C16orf95: variants seen among roughly 807,000 people sequenced by gnomAD.
C16orf95 encodes the protein uncharacterized protein C16orf95.
A neutral mutation model predicts 32.1 loss-of-function variants in C16orf95; 41 were observed. The observed-to-expected ratio is 1.28, with a 90% CI of 1.00 to 1.66. The LOEUF is 1.66. C16orf95 is among the 40% of genes most tolerant of loss of function. C16orf95 has a pLI of 0.00. For missense variants in C16orf95, 399 were observed against 325.9 expected (o/e 1.22, Z -1.73); for synonymous variants, 147 against 128.9 (o/e 1.14, Z -0.95).
intron 2 of C16orf95, 130 bp from the exon 3 acceptor site, chr16:87,315,226 C>T (rs1904310048): frequency 1.0e-6 from 1 of 972,858 alleles, no homozygotes; most frequent in East Asian, 2.7e-5. Context: ...GCTCCTACTG[C>T]AGCTTGGAAA....
At chr16:87,308,826 G>A (rs1250574353) in intron 5 of C16orf95, among the ~76,000 whole-genome samples, 1 of 152,216 alleles carries the variant, frequency 6.6e-6, no homozygotes, top group Non-Finnish European at 1.5e-5. Flanking sequence ...AATGGGTTTG[G>A]TGCCCTCTGA....
chr16:87,315,578 G>C (rs993130547), intron 2 of C16orf95, among the ~76,000 whole-genome samples, 194 bp downstream of exon 2: 1 of 152,206 alleles, frequency 6.6e-6, no homozygotes, highest in Non-Finnish European at 1.5e-5. Context: ...ATATTAGGTG[G>C]CCTCCTGAAC....
chr16:87,306,159 A>C, intron 5 of C16orf95: 1 of 347,738 alleles, frequency 2.9e-6, no homozygotes, highest in Non-Finnish European at 5.2e-6. Context: ...CATATGGAAC[A>C]TGTGCAATGT....
chr16:87,317,367 T>C lies in C16orf95; in HGVS notation c.-125A>G, dbSNP rs893268055. On this transcript the variant is annotated 5_prime_UTR_variant, in exon 1 of 7. Transcript: ENST00000567970. Reference sequence around the variant, plus strand: ...CCCGAGCTCAACCCCAGCCCCAACCTCAACCGCTCAGAGGAGCCCAACAAC... The same window carrying C: ...CCCGAGCTCAACCCCAGCCCCAACCCCAACCGCTCAGAGGAGCCCAACAAC... The C allele has an allele frequency of 4.3e-6, 6 of 1,409,096 alleles. No individual in the cohort carries two copies. The Admixed American group carries it at 9.3e-5, about 22-fold the overall frequency. The allele number at this position is 1,409,096 out of a possible 1,614,324, so 87.3% of individuals were successfully genotyped here.
rs554130431 is a variant in C16orf95, at chr16:87,312,702, G to A, written c.331-1406C>T. ...CTGAAAGGTCTAGCCAGTGTATCAA[G>A]CAAGAAAAATAAAAGTCTCCAAATT... is the stretch of plus-strand genomic sequence containing the variant. On this transcript the variant is annotated intron_variant, in intron 3 of 6. Coordinates refer to ENST00000567970, the MANE Select transcript of C16orf95 (RefSeq NM_001195124.3). Among the ~76,000 whole-genome samples the A allele has an allele frequency of 1.6e-3, 249 of 152,096 alleles. 1 individual carries two copies. The highest frequency in any genetic ancestry group is 5.7e-3 in the African/African-American group (236 of 41,492).
In C16orf95 at chr16:87,305,909, G is replaced by C; in HGVS notation, c.515-4C>G. 7.1e-7 allele frequency: 1 copy of C among 1,412,562 alleles called. No homozygotes were observed. The highest frequency in any genetic ancestry group is 1.5e-5 in the South Asian group (1 of 67,488). The allele number at this position is 1,412,562 out of a possible 1,614,324, so 87.5% of individuals were successfully genotyped here. A position where few individuals can be genotyped will look rare whatever the true frequency, so the allele number is the denominator to read the frequency against. ...CAGCATGCATCCAGCAGGGGTGCTA[G>C]GCAAAGAAAAGGTGGGTTGAGGACA... On this transcript the variant is annotated splice_polypyrimidine_tract_variant and splice_region_variant and intron_variant, in intron 5 of 6. Coordinates refer to ENST00000567970, the MANE Select transcript of C16orf95 (RefSeq NM_001195124.3). This position sits in a 1 kb window ranked among gnomAD's most constrained non-coding sequence, Gnocchi z 4.2.
At chr16:87,311,009 G>A in intron 4 of C16orf95, 141 bp downstream of exon 4, 1 of 817,868 alleles carries the variant, frequency 1.2e-6, no homozygotes, top group Non-Finnish European at 1.8e-6. Flanking sequence ...CAGCTGCCAG[G>A]GGATCTTCTC....
Position 87,310,288 on chromosome 16 carries a change from T to C in C16orf95, c.514+9A>G, listed in dbSNP as rs536872002. On this transcript the variant is annotated intron_variant, in intron 5 of 6. Coordinates refer to ENST00000567970, the MANE Select transcript of C16orf95 (RefSeq NM_001195124.3). ...GGGATGATATGAGACACACACACACTGGAGTTACCTTGGATGCCTTTCAAA... is the reference window on the plus strand; with the variant it reads ...GGGATGATATGAGACACACACACACCGGAGTTACCTTGGATGCCTTTCAAA... 6.5e-7 allele frequency: 1 copy of C among 1,536,000 alleles called. No homozygotes were observed. Among genetic ancestry groups the C allele is most frequent in the East Asian group, 2.4e-5 (1 of 40,904 alleles).
intron 1 of C16orf95, among the ~76,000 whole-genome samples, chr16:87,316,457 G>C (rs542329370): frequency 6.6e-6 from 1 of 152,184 alleles, no homozygotes; most frequent in Non-Finnish European, 1.5e-5. Context: ...TGTGGAAACC[G>C]TAAGAGCGAT....
intron 5 of C16orf95, 197 bp from the exon 6 acceptor site, chr16:87,306,102 C>T (rs764546137): frequency 1.9e-5 from 8 of 427,220 alleles, no homozygotes; most frequent in East Asian, 1.4e-4. Context: ...TCCTGGGTAA[C>T]GGCAGCCTTG....
At chr16:87,304,381 G>A (rs564324272) in intron 6 of C16orf95, among the ~76,000 whole-genome samples, 7 of 151,348 alleles carry the variant, frequency 4.6e-5, no homozygotes, top group African/African-American at 1.7e-4. Context: ...CTGGGATCCA[G>A]GTGTGGGCCA....
intron 2 of C16orf95, among the ~76,000 whole-genome samples, chr16:87,315,472 C>T (rs950697641): frequency 1.2e-4 from 18 of 152,222 alleles, no homozygotes; most frequent in Non-Finnish European, 7.3e-5. Context: ...GCTTCCACAT[C>T]CATCCCATGT....
rs905136747 is a variant in C16orf95 at position 87,317,207 on chromosome 16, A to G, written c.36T>C (p.Arg12=). The change falls in exon 1 of 7, where the codon CGT becomes CGC. Residue 12 remains arginine (R), a synonymous_variant. Coordinates refer to ENST00000567970, the MANE Select transcript of C16orf95 (RefSeq NM_001195124.3). ...RASRSPPSPR[R]CHHHHEATGA... ...CAGTGGCCTCATGATGATGGTGACA[A>G]CGCCGCGGGGACGGTGGGGACCGGC... 3.3e-5 allele frequency: 50 copies of G among 1,529,468 alleles called. No individual in the cohort carries two copies. The highest frequency in any genetic ancestry group is 4.4e-5 in the Non-Finnish European group (50 of 1,144,150). The allele number at this position is 1,529,468 out of a possible 1,614,324, so 94.7% of individuals were successfully genotyped here.
chr16:87,303,236 G>T, intron 6 of C16orf95, 161 bp from the exon 7 acceptor site: 1 of 697,540 alleles, frequency 1.4e-6, no homozygotes, highest in Non-Finnish European at 2.5e-6. Flanking sequence ...CAGGGATGAG[G>T]GGTGGGGTGC....
At chr16:87,306,326 A>G (rs1911028418) in intron 5 of C16orf95, among the ~76,000 whole-genome samples, 1 of 152,126 alleles carries the variant, frequency 6.6e-6, no homozygotes, top group Non-Finnish European at 1.5e-5. Flanking sequence ...ATTTTCCATA[A>G]CAAAAGTTTA....
Position 87,311,949 on chromosome 16 carries a change from C to T in C16orf95, c.331-653G>A, listed in dbSNP as rs182883318. Among the ~76,000 whole-genome samples, 9 of 152,240 alleles carry T rather than the reference C, an allele frequency of 5.9e-5. No individual in the cohort carries two copies. In the East Asian group the frequency reaches 9.6e-4, roughly 16 times the overall value. On this transcript the variant is annotated intron_variant, in intron 3 of 6. Transcript: ENST00000567970. Reference sequence around the variant, plus strand: ...TGGAACAGAGCTGTCCGGACTGACACGGAATAAACTCTGAGACAGGCTGTA... The same window carrying T: ...TGGAACAGAGCTGTCCGGACTGACATGGAATAAACTCTGAGACAGGCTGTA...
intron 5 of C16orf95, among the ~76,000 whole-genome samples, chr16:87,310,038 T>C (rs1911209473): frequency 6.6e-6 from 1 of 151,870 alleles, no homozygotes; most frequent in African/African-American, 2.4e-5. Flanking sequence ...AGGCGGGGAG[T>C]TGGTTTCATC....
At position 87,311,308 on chromosome 16, in the gene C16orf95, G is replaced by A. The variant is rs1212203878; in HGVS notation, c.331-12C>T. 2 of 1,518,980 alleles carry A rather than the reference G, an allele frequency of 1.3e-6. No individual in the cohort carries two copies. Among genetic ancestry groups the A allele is most frequent in the Non-Finnish European group, 8.8e-7 (1 of 1,134,322 alleles). The allele number at this position is 1,518,980 out of a possible 1,614,324, so 94.1% of individuals were successfully genotyped here. A position where few individuals can be genotyped will look rare whatever the true frequency, so the allele number is the denominator to read the frequency against. On this transcript the variant is annotated splice_polypyrimidine_tract_variant and intron_variant, in intron 3 of 6. Coordinates refer to ENST00000567970, the MANE Select transcript of C16orf95 (RefSeq NM_001195124.3). ...ACCGTCTTTTGACTCTAACAGAGAG[G>A]ATGGGAGGAGAAGATTCAGAAGGGG...
chr16:87,309,402 T>G (rs12924988), intron 5 of C16orf95, among the ~76,000 whole-genome samples: 11,608 of 108,762 alleles, frequency 0.11, 824 homozygotes, highest in East Asian at 0.22. Flanking sequence ...TTTTTTTTTG[T>G]AGACAGAGTC....
Sources: allele counts gnomAD v4.1 joint callset (sites outside exome capture counted in the v4.1 genomes callset), GRCh38; gene constraint gnomAD v4.1.1; non-coding constraint Gnocchi (gnomAD v3.1); transcripts MANE v1.5; gene names NCBI Gene and HGNC (gene_info 2026-07-23, HGNC 2026-07-21).